Variants in DOCK10 observed in about 807,000 individuals in gnomAD.
The protein encoded by DOCK10 is dedicator of cytokinesis protein 10.
Under a neutral mutation model 280.1 loss-of-function variants are expected in DOCK10, and 145 were observed. The ratio of observed to expected loss-of-function variants is 0.52; its 90% CI spans 0.45 to 0.59. The LOEUF (loss-of-function observed/expected upper bound fraction) is 0.59, where lower values mean the gene tolerates loss of function less well. DOCK10 is among the 20% of genes least tolerant of loss of function. The probability of loss-of-function intolerance (pLI) is 0.00; values close to 1 mark genes in which losing one functional copy is unlikely to be tolerated. For synonymous variants in DOCK10, 915 were observed against 942.2 expected (o/e 0.97, Z 0.53); for missense variants, 2,368 against 2,651.7 (o/e 0.89, Z 2.35).
At chr2:224,796,558 A>G in intron 43 of DOCK10, 132 bp from the exon 44 acceptor site, 2 of 614,670 alleles carry the variant, frequency 3.3e-6, no homozygotes, top group Admixed American at 2.9e-5. Context: ...TATGTATTAA[A>G]GCTCCAGAAC....
intron 50 of DOCK10, among the ~76,000 whole-genome samples, chr2:224,785,195 C>G (rs917445994): frequency 6.6e-6 from 1 of 152,168 alleles, no homozygotes; most frequent in African/African-American, 2.4e-5. Flanking sequence ...CTCTCTTCCT[C>G]TTCTGAAGGT....
intron 40 of DOCK10, 73 bp downstream of exon 40, chr2:224,801,843 T>G: frequency 6.8e-7 from 1 of 1,481,360 alleles, no homozygotes. Flanking sequence ...GTGGTTTTAG[T>G]GCATTTCATG....
At chr2:224,998,776 T>C (rs981171972) in intron 1 of DOCK10, among the ~76,000 whole-genome samples, 25 of 152,322 alleles carry the variant, frequency 1.6e-4, no homozygotes, top group African/African-American at 5.3e-4. Flanking sequence ...GCATTTACTA[T>C]ACCCAACTGC....
intron 11 of DOCK10, among the ~76,000 whole-genome samples, chr2:224,869,117 T>C (rs1698107819): frequency 6.6e-6 from 1 of 152,204 alleles, no homozygotes; most frequent in African/African-American, 2.4e-5. Context: ...AGGTTTCTTG[T>C]GTTTAGAATT....
At chr2:224,995,113 A>G (rs980627250) in intron 1 of DOCK10, among the ~76,000 whole-genome samples, 1 of 152,190 alleles carries the variant, frequency 6.6e-6, no homozygotes, top group African/African-American at 2.4e-5. Flanking sequence ...GGGTGTCCTC[A>G]TGACATGGCA....
chr2:224,906,392 G>A (rs1454601481), intron 3 of DOCK10, among the ~76,000 whole-genome samples: 1 of 152,082 alleles, frequency 6.6e-6, no homozygotes, highest in African/African-American at 2.4e-5. Flanking sequence ...TTCCCAAGCC[G>A]ACCAATCCAT....
At chr2:224,865,448 G>A (rs965082715) in intron 11 of DOCK10, among the ~76,000 whole-genome samples, 1 of 152,214 alleles carries the variant, frequency 6.6e-6, no homozygotes, top group African/African-American at 2.4e-5. Flanking sequence ...CTGCACTGTG[G>A]TTGAACTTCA....
chr2:224,956,625 G>C, intron 1 of DOCK10, among the ~76,000 whole-genome samples: 1 of 78,652 alleles, frequency 1.3e-5, no homozygotes, highest in South Asian at 4.6e-4. Flanking sequence ...CGCTACCTCA[G>C]AAAAAAAAAA....
chr2:224,851,863 T>C (rs907793767), intron 18 of DOCK10, among the ~76,000 whole-genome samples: 1 of 152,204 alleles, frequency 6.6e-6, no homozygotes, highest in African/African-American at 2.4e-5. Flanking sequence ...CTCATAGTTT[T>C]ATGGATCTTA....
chr2:224,992,355 T>C (rs1390278269), intron 1 of DOCK10, among the ~76,000 whole-genome samples: 1 of 152,234 alleles, frequency 6.6e-6, no homozygotes, highest in Non-Finnish European at 1.5e-5. Context: ...TTTAAAGTCA[T>C]TTACAATGTT....
At chr2:224,798,663 A>T (rs1392537167) in intron 41 of DOCK10, among the ~76,000 whole-genome samples, 1 of 146,980 alleles carries the variant, frequency 6.8e-6, no homozygotes, top group African/African-American at 2.5e-5. Flanking sequence ...ACAAGGTCTC[A>T]CTCTGTCACC....
intron 1 of DOCK10, among the ~76,000 whole-genome samples, chr2:224,948,353 T>C (rs1233239717): frequency 6.6e-6 from 1 of 152,252 alleles, no homozygotes; most frequent in Non-Finnish European, 1.5e-5. Flanking sequence ...CATTACTTTG[T>C]AATTGGCTTA....
intron 24 of DOCK10, among the ~76,000 whole-genome samples, chr2:224,839,167 C>T (rs570130565): frequency 1.6e-4 from 25 of 152,214 alleles, no homozygotes; most frequent in African/African-American, 6.0e-4. Flanking sequence ...CAAGCTCCGC[C>T]TCCTGGGTTC....
At chr2:224,771,135 G>A (rs1161851656) in intron 53 of DOCK10, among the ~76,000 whole-genome samples, 3 of 151,806 alleles carry the variant, frequency 2.0e-5, no homozygotes, top group Non-Finnish European at 4.4e-5. Context: ...GGGGGAAGGG[G>A]GGCGGTCTCA....
At chr2:224,771,233 C>A (rs1690422320) in intron 53 of DOCK10, among the ~76,000 whole-genome samples, 1 of 152,150 alleles carries the variant, frequency 6.6e-6, no homozygotes, top group African/African-American at 2.4e-5. Flanking sequence ...CAGGCATGAA[C>A]CACCCACGGA....
In DOCK10 at chr2:224,805,188, T is replaced by G; in HGVS notation, c.4051+18A>C. On this transcript the variant is annotated intron_variant, in intron 36 of 55. Transcript: ENST00000258390. This position sits in a 1 kb window ranked among gnomAD's most constrained non-coding sequence, Gnocchi z 4.3. ...TTTCTTTTTCCTTTTTTCAAAAAAA[T>G]TAAAGAATTCTCTTTACCGTACGAA... 1 of 1,601,002 alleles carries G rather than the reference T, an allele frequency of 6.2e-7. No homozygotes were observed. The highest frequency in any genetic ancestry group is 8.5e-7 in the Non-Finnish European group (1 of 1,175,472).
rs1693503680 is a variant in DOCK10, at chr2:224,807,858, T to C, written c.3585+53A>G. ...GCTTGTCGGTTTCATATGCATTTAA[T>C]GCAGTGAGCCATTAAATGGTGTTTA... On this transcript the variant is annotated intron_variant, in intron 32 of 55. Coordinates refer to ENST00000258390, the MANE Select transcript of DOCK10 (RefSeq NM_014689.3). 10 of 1,587,872 alleles carry C rather than the reference T, an allele frequency of 6.3e-6. No homozygotes were observed. The South Asian group carries it at 1.0e-4, about 16-fold the overall frequency.
At chr2:225,029,328 C>A (rs1260044018) in intron 1 of DOCK10, among the ~76,000 whole-genome samples, 2 of 152,170 alleles carry the variant, frequency 1.3e-5, no homozygotes, top group African/African-American at 4.8e-5. Context: ...TGTACCACCA[C>A]AGTTGGCTAA....
At position 224,850,701 on chromosome 2, in the gene DOCK10, G is replaced by A. The variant is rs140299760; in HGVS notation, c.2143-1102C>T. The stretch of plus-strand genomic sequence containing the variant: ...GAGGAAGTGACTGGATCCTGGGGCC[G>A]CTTCCCCCATGCTGTTCTCATGACA... On this transcript the variant is annotated intron_variant, in intron 18 of 55. Transcript: ENST00000258390. 6.6e-5 allele frequency among the ~76,000 whole-genome samples: 10 copies of A among 152,140 alleles called. No homozygotes were observed. In the East Asian group the frequency reaches 1.9e-3, roughly 29 times the overall value.
Sources: gnomAD v4.1 joint callset for allele counts (sites outside exome capture counted in the v4.1 genomes callset) on GRCh38, gnomAD v4.1.1 for gene constraint, Gnocchi (gnomAD v3.1) non-coding constraint, MANE v1.5 for transcripts, NCBI Gene and HGNC (gene_info 2026-07-23, HGNC 2026-07-21) for gene names.